The following RARB variants were observed in gnomAD, a reference collection of about 807,000 sequenced individuals.
RARB encodes retinoic acid receptor beta.
Under a neutral mutation model 51.9 loss-of-function variants are expected in RARB, and 17 were observed. The ratio of observed to expected loss-of-function variants is 0.33; its 90% CI spans 0.22 to 0.49. The LOEUF is 0.49. Ranked by LOEUF, RARB falls within the 20% of genes least tolerant of loss-of-function variation. The probability of loss-of-function intolerance (pLI) is 0.99; values close to 1 mark genes in which losing one functional copy is unlikely to be tolerated. For missense variants in RARB, 369 were observed against 550.8 expected (o/e 0.67, Z 3.30); for synonymous variants, 215 against 195.4 (o/e 1.10, Z -0.84).
chr3:25,500,550 G>C lies in RARB; in HGVS notation c.307-632G>C, dbSNP rs537029128. On this transcript the variant is annotated intron_variant, in intron 2 of 7. Coordinates refer to ENST00000330688, the MANE Select transcript of RARB (RefSeq NM_000965.5). ...ACTGGAGTGCGGTGGCACAATCTCA[G>C]CTCACTGCAACCTCTGCCTCCCAGG... Among the ~76,000 whole-genome samples, 168 of 141,424 alleles carry C rather than the reference G, an allele frequency of 1.2e-3. 1 individual carries two copies. The highest frequency in any genetic ancestry group is 4.3e-3 in the African/African-American group (164 of 38,352). The allele number at this position is 141,424 out of a possible 152,430, so 92.8% of individuals were successfully genotyped here.
At chr3:24,842,940 A>G (rs1702438102) in intron 1 of RARB, among the ~76,000 whole-genome samples, 1 of 152,254 alleles carries the variant, frequency 6.6e-6, no homozygotes, top group Non-Finnish European at 1.5e-5. Context: ...AACAGTCCTC[A>G]CAGTATTTCT....
At chr3:25,130,106 T>G (rs1185847803) in intron 3 of RARB, among the ~76,000 whole-genome samples, 1 of 152,094 alleles carries the variant, frequency 6.6e-6, no homozygotes, top group Non-Finnish European at 1.5e-5. Context: ...AAAATAAGAC[T>G]GTGCCATAGG....
intron 1 of RARB, among the ~76,000 whole-genome samples, chr3:25,448,976 G>T (rs766322376): frequency 6.6e-6 from 1 of 151,740 alleles, no homozygotes; most frequent in Non-Finnish European, 1.5e-5. Context: ...TGACAGAAAA[G>T]CTATTGCACA....
intron 2 of RARB, among the ~76,000 whole-genome samples, chr3:25,003,519 A>T (rs1697210405): frequency 6.6e-6 from 1 of 152,134 alleles, no homozygotes. Flanking sequence ...TCATCTTATG[A>T]CAGAAATAGT....
intron 5 of RARB, among the ~76,000 whole-genome samples, chr3:25,182,130 G>A (rs540449161): frequency 6.6e-6 from 1 of 152,300 alleles, no homozygotes; most frequent in Admixed American, 6.5e-5. Context: ...TCATACAGCA[G>A]GTGATATGTG....
intron 5 of RARB, among the ~76,000 whole-genome samples, chr3:25,296,655 C>T (rs577138185): frequency 6.6e-6 from 1 of 152,190 alleles, no homozygotes; most frequent in South Asian, 2.1e-4. Context: ...GGGAAAAAAA[C>T]CCTCACTCTA....
chr3:25,299,937 T>A (rs1402772161), intron 5 of RARB, among the ~76,000 whole-genome samples: 1 of 152,232 alleles, frequency 6.6e-6, no homozygotes, highest in Non-Finnish European at 1.5e-5. Flanking sequence ...GCTTCCTATG[T>A]CTAATTGCCA....
At chr3:25,568,888 C>G (rs1286730) in intron 3 of RARB, among the ~76,000 whole-genome samples, 28,014 of 152,200 alleles carry the variant, frequency 0.18, 3,101 homozygotes, top group African/African-American at 0.29. Flanking sequence ...GAGATCCTAG[C>G]CAGGGGCTAG....
intron 3 of RARB, among the ~76,000 whole-genome samples, chr3:25,063,289 C>G (rs927062729): frequency 6.6e-6 from 1 of 151,968 alleles, no homozygotes; most frequent in Non-Finnish European, 1.5e-5. Flanking sequence ...ACTTCTGATT[C>G]TCTTGATAAG....
chr3:25,163,514 T>A (rs879419145), intron 4 of RARB, among the ~76,000 whole-genome samples: 12,101 of 46,764 alleles, frequency 0.26, 856 homozygotes, highest in South Asian at 0.43. Context: ...AATATATATA[T>A]ATATATATAT....
intron 2 of RARB, among the ~76,000 whole-genome samples, chr3:25,003,621 G>A (rs1697212576): frequency 1.3e-5 from 2 of 152,072 alleles, no homozygotes; most frequent in Non-Finnish European, 2.9e-5. Flanking sequence ...ACTCATGAAA[G>A]CAGAAAATAA....
At chr3:25,095,069 A>G (rs1282137654) in intron 3 of RARB, among the ~76,000 whole-genome samples, 1 of 152,172 alleles carries the variant, frequency 6.6e-6, no homozygotes, top group African/African-American at 2.4e-5. Flanking sequence ...CCTCTGGTCC[A>G]GTGATTTTTT....
chr3:24,978,518 C>G (rs1300810848), intron 2 of RARB, among the ~76,000 whole-genome samples: 1 of 152,122 alleles, frequency 6.6e-6, no homozygotes, highest in Non-Finnish European at 1.5e-5. Context: ...TCCATTTCTT[C>G]TAGATTTTCT....
intron 5 of RARB, among the ~76,000 whole-genome samples, chr3:25,257,220 A>C (rs578030484): frequency 1.1e-4 from 16 of 152,236 alleles, no homozygotes; most frequent in African/African-American, 3.8e-4. Context: ...CAGATCAAAG[A>C]TTGTGCTGAT....
intron 2 of RARB, among the ~76,000 whole-genome samples, chr3:24,876,816 AG>A (rs1703052869): frequency 6.6e-6 from 1 of 152,152 alleles, no homozygotes; most frequent in East Asian, 1.9e-4. Context: ...TTAGAAAAAC[AG>A]AGTTTAGATA....
At chr3:25,322,508 T>G (rs1054958658) in intron 5 of RARB, among the ~76,000 whole-genome samples, 1 of 152,188 alleles carries the variant, frequency 6.6e-6, no homozygotes, top group African/African-American at 2.4e-5. Flanking sequence ...GGCACACATA[T>G]ATAAATCATA....
chr3:25,329,793 G>C (rs964571052), intron 5 of RARB, among the ~76,000 whole-genome samples: 14 of 152,172 alleles, frequency 9.2e-5, no homozygotes, highest in Non-Finnish European at 1.6e-4. Context: ...TGGCTAACTA[G>C]AATAACCAGT....
chr3:25,332,193 G>A (rs1209001228), intron 5 of RARB, among the ~76,000 whole-genome samples: 2 of 152,166 alleles, frequency 1.3e-5, no homozygotes, highest in Non-Finnish European at 2.9e-5. Flanking sequence ...GCATCATCCT[G>A]ATACCAAAGC....
At chr3:25,365,199 C>CTTTTTTTTT (rs3035063) in intron 5 of RARB, among the ~76,000 whole-genome samples, 33 of 75,446 alleles carry the variant, frequency 4.4e-4, no homozygotes, top group Admixed American at 7.3e-4. Context: ...TTCTTTCTTT[C>CTTTTTTTTT]TTTTTTTTTT....
Sources: gnomAD v4.1 joint callset for allele counts (sites outside exome capture counted in the v4.1 genomes callset) on GRCh38, gnomAD v4.1.1 for gene constraint, MANE v1.5 for transcripts, NCBI Gene and HGNC (gene_info 2026-07-23, HGNC 2026-07-21) for gene names.